The following LHFPL2 variants were observed in gnomAD, a reference collection of about 807,000 sequenced individuals.
LHFPL2 encodes LHFPL tetraspan subfamily member 2 protein.
Under a neutral mutation model 17.5 loss-of-function variants are expected in LHFPL2, and 7 were observed. That is an observed-to-expected ratio of 0.40 (90% confidence interval 0.23 to 0.75). LHFPL2 has a LOEUF of 0.75. LHFPL2 is among the 30% of genes least tolerant of loss of function. The pLI, the probability that LHFPL2 is intolerant of heterozygous loss-of-function variation, is 0.37. For missense variants in LHFPL2, 241 were observed against 294.8 expected, an observed-to-expected ratio of 0.82 and a Z score of 1.34; for synonymous variants, 134 against 116.2, an observed-to-expected ratio of 1.15 and a Z score of -0.99.
intron 2 of LHFPL2, among the ~76,000 whole-genome samples, chr5:78,580,776 A>G (rs1340745084): frequency 6.6e-6 from 1 of 152,064 alleles, no homozygotes; most frequent in African/African-American, 2.4e-5. Flanking sequence ...GAAGTCAGGT[A>G]GTGTGATGCC....
chr5:78,635,660 G>A (rs757444803), intron 1 of LHFPL2, among the ~76,000 whole-genome samples: 5 of 152,146 alleles, frequency 3.3e-5, no homozygotes, highest in African/African-American at 4.8e-5. Context: ...AAAATTAGCC[G>A]GGTGTGGTGG....
chr5:78,602,276 G>A (rs1366885603), intron 2 of LHFPL2, among the ~76,000 whole-genome samples: 1 of 152,156 alleles, frequency 6.6e-6, no homozygotes, highest in East Asian at 1.9e-4. Flanking sequence ...GAAATTAGCT[G>A]TTTGTAAAAT....
chr5:78,577,858 T>C (rs1757171515), intron 2 of LHFPL2, among the ~76,000 whole-genome samples: 1 of 152,188 alleles, frequency 6.6e-6, no homozygotes, highest in African/African-American at 2.4e-5. Flanking sequence ...TTAAATTTTT[T>C]TAAAAGTGAA....
In LHFPL2 at chr5:78,558,297, C is replaced by T. The variant is rs74941817; in HGVS notation, c.-186+6516G>A. Among the ~76,000 whole-genome samples, 1,399 of 152,368 alleles carry T rather than the reference C, an allele frequency of 9.2e-3. 25 individuals are homozygous for T. The highest frequency in any genetic ancestry group is 0.032 in the African/African-American group (1,311 of 41,596). On this transcript the variant is annotated intron_variant, in intron 3 of 4. Coordinates refer to ENST00000380345, the MANE Select transcript of LHFPL2 (RefSeq NM_005779.3). Reference sequence around the variant, plus strand: ...GACACCCCTACACGATCCCAGTGTACGCTCATTCATCTGAGTTCAATTAAA... The same window carrying T: ...GACACCCCTACACGATCCCAGTGTATGCTCATTCATCTGAGTTCAATTAAA...
intron 2 of LHFPL2, among the ~76,000 whole-genome samples, chr5:78,604,715 C>G (rs940050098): frequency 6.6e-6 from 1 of 152,180 alleles, no homozygotes; most frequent in Non-Finnish European, 1.5e-5. Context: ...ATTACTGTAC[C>G]TGTCTGCACT....
At chr5:78,584,808 C>T (rs1055374667) in intron 2 of LHFPL2, among the ~76,000 whole-genome samples, 9 of 152,080 alleles carry the variant, frequency 5.9e-5, no homozygotes, top group Non-Finnish European at 8.8e-5. Context: ...GTGGTGGGCT[C>T]CACCCTGTTG....
Position 78,509,946 on chromosome 5 carries a change from C to T in LHFPL2, c.268G>A (p.Gly90Ser), listed in dbSNP as rs765442847. ...TLCGPYAESFGEIASGFWQAT... is the reference protein window; with the variant it reads ...TLCGPYAESFSEIASGFWQAT... ...TGCCAGAAGCCGCTGGCGATCTCGC[C>T]GAAGCTCTCGGCGTAGGGCCCGCAC... is the stretch of plus-strand genomic sequence containing the variant. Residue 90 changes from glycine (G) to serine (S), a missense_variant, in exon 4 of 5, where the codon GGC (glycine) becomes AGC (serine). By Grantham distance (56) the Gly-to-Ser change is moderately conservative. Transcript: ENST00000380345. 10 of 1,613,836 alleles carry T rather than the reference C, an allele frequency of 6.2e-6. No individual in the cohort carries two copies. The highest frequency in any genetic ancestry group is 2.2e-5 in the South Asian group (2 of 91,090).
chr5:78,574,580 A>T (rs186599764), intron 2 of LHFPL2, among the ~76,000 whole-genome samples: 35 of 152,388 alleles, frequency 2.3e-4, no homozygotes, highest in African/African-American at 7.7e-4. Context: ...ACAACAAAAA[A>T]GTGATGGGAC....
chr5:78,536,790 T>C (rs1434208281), intron 3 of LHFPL2, among the ~76,000 whole-genome samples: 2 of 152,242 alleles, frequency 1.3e-5, no homozygotes, highest in African/African-American at 4.8e-5. Context: ...CTTGTCCTTA[T>C]ATAAGTGCCA....
chr5:78,561,233 A>G (rs1434156684), intron 3 of LHFPL2, among the ~76,000 whole-genome samples: 2 of 152,228 alleles, frequency 1.3e-5, no homozygotes, highest in South Asian at 2.1e-4. Flanking sequence ...ATACTTAAAC[A>G]TTTTCCAAAA....
At chr5:78,636,979 GT>G (rs987483443) in intron 1 of LHFPL2, among the ~76,000 whole-genome samples, 3 of 152,038 alleles carry the variant, frequency 2.0e-5, no homozygotes, top group African/African-American at 7.2e-5. Context: ...AGGCAAGGGT[GT>G]CCCTCAGACA....
chr5:78,535,223 G>A (rs946217055), intron 3 of LHFPL2, among the ~76,000 whole-genome samples: 2 of 152,164 alleles, frequency 1.3e-5, no homozygotes, highest in East Asian at 1.9e-4. Flanking sequence ...GGGGCTGCAC[G>A]GACAGTCCTG....
intron 2 of LHFPL2, among the ~76,000 whole-genome samples, chr5:78,617,025 CTTTT>C (rs564354550): frequency 6.7e-6 from 1 of 149,200 alleles, no homozygotes; most frequent in Non-Finnish European, 1.5e-5. Context: ...TAGAGTTTCT[CTTTT>C]TTTTTTCTTT....
intron 3 of LHFPL2, among the ~76,000 whole-genome samples, chr5:78,512,762 C>CTT (rs1317227243): frequency 7.5e-6 from 1 of 134,030 alleles, no homozygotes; most frequent in Non-Finnish European, 1.5e-5. Flanking sequence ...TGTAATTTTT[C>CTT]TTTTCTTTTT....
At chr5:78,620,819 C>T (rs10491474) in intron 2 of LHFPL2, among the ~76,000 whole-genome samples, 59,793 of 152,124 alleles carry the variant, frequency 0.39, 11,891 homozygotes, top group Middle Eastern at 0.44. Context: ...CAGCTCCAAA[C>T]TATTCTCAAT....
chr5:78,591,609 T>C (rs542892384), intron 2 of LHFPL2, among the ~76,000 whole-genome samples: 3 of 152,228 alleles, frequency 2.0e-5, no homozygotes, highest in Non-Finnish European at 4.4e-5. Flanking sequence ...TGTGATCCTT[T>C]GTGTCCTGTA....
intron 4 of LHFPL2, among the ~76,000 whole-genome samples, chr5:78,509,277 G>C (rs116327833): frequency 0.012 from 1,782 of 152,260 alleles, 40 homozygotes; most frequent in African/African-American, 0.041. Flanking sequence ...TTCCCAGCCC[G>C]TGTCTTTCCC....
chr5:78,550,471 G>C (rs148335753), intron 3 of LHFPL2, among the ~76,000 whole-genome samples: 28 of 152,324 alleles, frequency 1.8e-4, no homozygotes, highest in African/African-American at 5.1e-4. Flanking sequence ...TGCATGGAGA[G>C]GGAGAGCGCC....
At chr5:78,546,583 T>C (rs1330447824) in intron 3 of LHFPL2, among the ~76,000 whole-genome samples, 2 of 152,262 alleles carry the variant, frequency 1.3e-5, no homozygotes, top group Non-Finnish European at 2.9e-5. Flanking sequence ...TTTTATCACA[T>C]GATTCTCAGT....
Sources: allele counts gnomAD v4.1 joint callset (sites outside exome capture counted in the v4.1 genomes callset), GRCh38; gene constraint gnomAD v4.1.1; transcripts MANE v1.5; gene names NCBI Gene and HGNC (gene_info 2026-07-23, HGNC 2026-07-21).